Variants in KLHL32 observed in about 807,000 individuals in gnomAD.
KLHL32 encodes the protein kelch like family member 32.
In KLHL32, 35 loss-of-function variants were observed where a neutral mutation model predicts 64.8. The observed-to-expected ratio is 0.54, with a 90% CI of 0.41 to 0.72. The LOEUF is 0.72. KLHL32 is among the 30% of genes least tolerant of loss of function. The pLI is 0.00. For synonymous variants in KLHL32, 259 were observed against 281.0 expected, an observed-to-expected ratio of 0.92 and a Z score of 0.78; for missense variants, 589 against 768.5, an observed-to-expected ratio of 0.77 and a Z score of 2.76.
intron 1 of KLHL32, among the ~76,000 whole-genome samples, chr6:96,942,086 T>C (rs1771360681): frequency 6.6e-6 from 1 of 152,220 alleles, no homozygotes; most frequent in Non-Finnish European, 1.5e-5. Flanking sequence ...TCTTGGGCCA[T>C]GATCTGAAAG....
chr6:97,024,790 T>C (rs1444306900), intron 3 of KLHL32, among the ~76,000 whole-genome samples: 2 of 152,188 alleles, frequency 1.3e-5, no homozygotes, highest in Non-Finnish European at 2.9e-5. Context: ...GAAAAATAGT[T>C]TTAAAGTAAT....
At chr6:97,100,005 C>T (rs368451939) in intron 6 of KLHL32, among the ~76,000 whole-genome samples, 4 of 151,988 alleles carry the variant, frequency 2.6e-5, no homozygotes, top group Admixed American at 6.6e-5. Context: ...ATTAGCCAGG[C>T]GCGGTGGTGC....
intron 3 of KLHL32, among the ~76,000 whole-genome samples, chr6:97,017,126 G>A (rs1363901090): frequency 6.6e-6 from 1 of 152,160 alleles, no homozygotes. Context: ...CAGTATGACT[G>A]GAATTTGGTG....
the KLHL32 span, among the ~76,000 whole-genome samples, chr6:96,900,363 G>T: frequency 6.6e-6 from 1 of 152,170 alleles, no homozygotes; most frequent in Non-Finnish European, 1.5e-5. Context: ...AAGCTCTGGT[G>T]AATAGGTGAA....
At chr6:96,926,667 G>A (rs754244267) in intron 1 of KLHL32, among the ~76,000 whole-genome samples, 4 of 152,172 alleles carry the variant, frequency 2.6e-5, no homozygotes, top group Admixed American at 2.0e-4. Flanking sequence ...GACAAGACAC[G>A]TGGGAGAGAG....
intron 6 of KLHL32, among the ~76,000 whole-genome samples, chr6:97,103,414 C>T (rs946424865): frequency 1.3e-4 from 20 of 152,162 alleles, no homozygotes; most frequent in East Asian, 5.8e-4. Context: ...GGGGTTTCAC[C>T]ATGTTAGCCA....
chr6:97,071,011 G>T lies in KLHL32; in HGVS notation c.411+6285G>T, dbSNP rs1327536741. Among the ~76,000 whole-genome samples, 3 of 151,928 alleles carry T rather than the reference G, an allele frequency of 2.0e-5. No homozygotes were observed. The South Asian group carries it at 6.2e-4, about 32-fold the overall frequency. ...TTCTGCTCCTTATTCCATCAGTTAC[G>T]CCCTGTGTTTCCTCTGGTTTTGATT... On this transcript the variant is annotated intron_variant, in intron 5 of 10. Transcript: ENST00000369261.
chr6:97,009,739 C>T (rs527568113), intron 3 of KLHL32, among the ~76,000 whole-genome samples: 4 of 152,310 alleles, frequency 2.6e-5, no homozygotes, highest in South Asian at 2.1e-4. Flanking sequence ...ATTTCATGCT[C>T]ATACCTACTA....
At chr6:97,062,022 A>G (rs189299197) in intron 4 of KLHL32, among the ~76,000 whole-genome samples, 1 of 152,362 alleles carries the variant, frequency 6.6e-6, no homozygotes, top group Admixed American at 6.5e-5. Context: ...TTTCTGTGCT[A>G]AAGCATATTT....
chr6:97,000,196 C>G (rs529647388), intron 3 of KLHL32, among the ~76,000 whole-genome samples: 118 of 152,264 alleles, frequency 7.7e-4, no homozygotes, highest in Non-Finnish European at 1.4e-3. Flanking sequence ...GAAAATTCAA[C>G]AAAGTGGTAC....
chr6:96,933,346 C>T (rs1770174790), intron 1 of KLHL32, among the ~76,000 whole-genome samples: 2 of 152,072 alleles, frequency 1.3e-5, no homozygotes, highest in African/African-American at 2.4e-5. Flanking sequence ...TTCAGAATTC[C>T]GTTGCCATCC....
chr6:96,967,384 T>TA (rs762098929), intron 2 of KLHL32, among the ~76,000 whole-genome samples: 4 of 151,712 alleles, frequency 2.6e-5, no homozygotes, highest in Non-Finnish European at 4.4e-5. Flanking sequence ...GTATATCACA[T>TA]AAAAAAGGAA....
At chr6:96,983,873 A>G (rs1266449598) in intron 3 of KLHL32, among the ~76,000 whole-genome samples, 3 of 151,890 alleles carry the variant, frequency 2.0e-5, no homozygotes, top group African/African-American at 4.8e-5. Flanking sequence ...TTGTGTCTCT[A>G]TTTCCTTCAG....
At position 97,079,944 on chromosome 6, in the gene KLHL32, C is replaced by T. The variant is rs369770987; in HGVS notation, c.412-5182C>T. On this transcript the variant is annotated intron_variant, in intron 5 of 10. Transcript: ENST00000369261. ...TGTAATTTCCATTCAAAACCACTAC[C>T]GCTACCTGGATACTTACATTTTTAA... Among the ~76,000 whole-genome samples the T allele has an allele frequency of 9.7e-4, 148 of 152,182 alleles. 1 individual carries two copies. The highest frequency in any genetic ancestry group is 3.3e-3 in the African/African-American group (137 of 41,524).
intron 1 of KLHL32, among the ~76,000 whole-genome samples, chr6:96,964,695 G>A (rs13214330): frequency 0.47 from 71,232 of 151,932 alleles, 17,309 homozygotes; most frequent in African/African-American, 0.58. Context: ...GTGTTTGCTA[G>A]CAAATTTTAA....
At position 97,139,365 on chromosome 6, in the gene KLHL32, T is replaced by C; in HGVS notation, c.*83T>C. 8.3e-7 allele frequency: 1 copy of C among 1,209,616 alleles called. No homozygotes were observed. Among genetic ancestry groups the C allele is most frequent in the Non-Finnish European group, 1.2e-6 (1 of 857,262 alleles). 74.9% of individuals were successfully genotyped at this position (1,209,616 alleles called of 1,614,324 possible). A position where few individuals can be genotyped will look rare whatever the true frequency, so the allele number is the denominator to read the frequency against. On this transcript the variant is annotated 3_prime_UTR_variant, in exon 11 of 11. Coordinates refer to ENST00000369261, the MANE Select transcript of KLHL32 (RefSeq NM_052904.4). ...ATGAAAAGACTCAGTGCTCCATGCT[T>C]CCTTGTCTTGCTTTATAGGTCTTAT...
rs1340889953 is a variant in KLHL32 at position 97,139,112 on chromosome 6, C to T, written c.1702-9C>T. The T allele has an allele frequency of 1.9e-6, 3 of 1,607,704 alleles. No homozygotes were observed. The highest frequency in any genetic ancestry group is 2.5e-6 in the Non-Finnish European group (3 of 1,177,892). On this transcript the variant is annotated splice_polypyrimidine_tract_variant and intron_variant, in intron 10 of 10. Coordinates refer to ENST00000369261, the MANE Select transcript of KLHL32 (RefSeq NM_052904.4). ...TGATACACAAGCTTCTTCTCTTCCT[C>T]TTTTGTAGGTACTGGATGTAAGCAG...
At chr6:96,906,182 T>G in the KLHL32 span, among the ~76,000 whole-genome samples, 1 of 152,200 alleles carries the variant, frequency 6.6e-6, no homozygotes. Context: ...TGACCCCCAA[T>G]GACCCTAAAC....
chr6:97,084,073 C>T (rs1179080450), intron 5 of KLHL32, among the ~76,000 whole-genome samples: 1 of 151,988 alleles, frequency 6.6e-6, no homozygotes, highest in Non-Finnish European at 1.5e-5. Context: ...AACTATGCAC[C>T]TCAGTAAGGA....
Sources: allele counts gnomAD v4.1 joint callset (sites outside exome capture counted in the v4.1 genomes callset), GRCh38; gene constraint gnomAD v4.1.1; transcripts MANE v1.5; gene names NCBI Gene and HGNC (gene_info 2026-07-23, HGNC 2026-07-21).